The following NFRKB variants were observed in gnomAD, a reference collection of about 807,000 sequenced individuals.
NFRKB encodes the protein nuclear factor related to kappaB binding protein.
A neutral mutation model predicts 135.7 loss-of-function variants in NFRKB; 62 were observed. That is an observed-to-expected ratio of 0.46 (90% CI 0.37 to 0.56). The LOEUF is 0.56. NFRKB is among the 20% of genes least tolerant of loss of function. The pLI is 0.00. For synonymous variants in NFRKB, 678 were observed against 635.6 expected, an observed-to-expected ratio of 1.07 and a Z score of -1.00; for missense variants, 1,545 against 1,662.0, an observed-to-expected ratio of 0.93 and a Z score of 1.22.
At position 129,892,798 on chromosome 11, in the gene NFRKB, C is replaced by T. The variant is rs1316344104; in HGVS notation, c.52G>A (p.Gly18Arg). The change falls in exon 3 of 27, where the codon GGA (glycine) becomes AGA (arginine). Residue 18 changes from glycine to arginine, a missense_variant. This residue lies in a region of NFRKB where 678 missense variants were observed against 646.7 expected (regional missense o/e 1.05). Transcript: ENST00000682444. ...ATGATGCGCGTGCCATGGCCATCTC[C>T]ACACGGACCAAGTTCCAGAGGATCT... ...LTDPLELGPC[G>R]DGHGTRIMED... 6.2e-7 allele frequency: 1 copy of T among 1,614,206 alleles called. No individual in the cohort carries two copies. Among genetic ancestry groups the T allele is most frequent in the South Asian group, 1.1e-5 (1 of 91,088 alleles).
At position 129,865,947 on chromosome 11, in the gene NFRKB, C is replaced by G; in HGVS notation, c.3568G>C (p.Val1190Leu). Residue 1190 changes from valine (V) to leucine (L), a missense_variant, in exon 25 of 27, where the codon GTG (valine) becomes CTG (leucine). Val to Leu is a conservative substitution (Grantham distance 32, BLOSUM62 1). Around this residue, in one of 3 missense-constraint regions of NFRKB, gnomAD observed 753 missense variants for 804.3 expected, o/e 0.94. Transcript: ENST00000682444. ...LPTRITVPLS[V>L]ISQPMKGKSV... is the part of the protein sequence containing the mutation. ...TTGCCCTTCATTGGCTGGCTGATCACAGAGAGGGGAACTGTGATCCGTGTA... is the reference window on the plus strand; with the variant it reads ...TTGCCCTTCATTGGCTGGCTGATCAGAGAGAGGGGAACTGTGATCCGTGTA... 6.2e-7 allele frequency: 1 copy of G among 1,613,304 alleles called. No individual in the cohort carries two copies. Among genetic ancestry groups the G allele is most frequent in the Non-Finnish European group, 8.5e-7 (1 of 1,179,774 alleles).
At position 129,874,264 on chromosome 11, in the gene NFRKB, G is replaced by T. The variant is rs1035541760; in HGVS notation, c.2128C>A (p.Leu710Ile). ...SGPSEQSQMS[L>I]SDSSMPPTPV... ...GTGGGTGGCATACTGGAGTCACTGA[G>T]GCTCATCTGGCTCTGCTCAGAAGGG... Residue 710 changes from leucine to isoleucine, a missense_variant, in exon 21 of 27, where the codon CTC becomes ATC. Coordinates refer to ENST00000682444, the MANE Select transcript of NFRKB (RefSeq NM_001143835.2). The surrounding 1 kb of genome is among the most constrained non-coding windows in gnomAD (Gnocchi z 4.5). The T allele has an allele frequency of 1.3e-6, 2 of 1,516,736 alleles. No individual in the cohort carries two copies. Among genetic ancestry groups the T allele is most frequent in the Admixed American group, 4.5e-5 (2 of 44,044 alleles). 94.0% of individuals were successfully genotyped at this position (1,516,736 alleles called of 1,614,324 possible).
chr11:129,875,751 G>A (rs1369328736), intron 17 of NFRKB, among the ~76,000 whole-genome samples: 2 of 148,262 alleles, frequency 1.3e-5, no homozygotes, highest in East Asian at 4.0e-4. Context: ...CCACCTCCCA[G>A]GTTCAAGCAA....
Position 129,888,604 on chromosome 11 carries a change from C to A in NFRKB, c.327G>T (p.Lys109Asn). 1 of 1,614,204 alleles carries A rather than the reference C, an allele frequency of 6.2e-7. No individual in the cohort carries two copies. The highest frequency in any genetic ancestry group is 8.5e-7 in the Non-Finnish European group (1 of 1,180,026). The change falls in exon 4 of 27, where the codon AAG becomes AAT. Residue 109 changes from lysine to asparagine, a missense_variant. Transcript: ENST00000682444. The part of the protein sequence containing the change: ...RFGNPLHIAQ[K>N]LFRDGHFNPE... ...TACTGAGCTACAAACCTCGGAAAAG[C>A]TTCTGGGCAATGTGCAGAGGGTTTC...
intron 2 of NFRKB, chr11:129,893,389 CAAAAA>C (rs375172554): frequency 1.4e-3 from 158 of 115,756 alleles, no homozygotes; most frequent in Non-Finnish European, 1.8e-3. Flanking sequence ...CCCTTCTCTA[CAAAAA>C]AAAAAAAAAA....
chr11:129,882,330 C>G (rs1949068540), intron 10 of NFRKB, 121 bp downstream of exon 10: 1 of 1,365,702 alleles, frequency 7.3e-7, no homozygotes. Context: ...AGCAGTATCC[C>G]TGGGACTTCA....
chr11:129,864,664 G>C lies in NFRKB; in HGVS notation c.*61C>G, dbSNP rs575669601. 1.1e-5 allele frequency: 18 copies of C among 1,609,094 alleles called. No homozygotes were observed. In the African/African-American group the frequency reaches 2.0e-4, roughly 18 times the overall value. ...TTAAAACAATGATGCAACCTCCCTG[G>C]TCCCTTCTCAGCCAGGACAGACCAG... On this transcript the variant is annotated 3_prime_UTR_variant, in exon 27 of 27. Transcript: ENST00000682444.
At chr11:129,889,623 T>C (rs370347130) in intron 3 of NFRKB, among the ~76,000 whole-genome samples, 7 of 146,558 alleles carry the variant, frequency 4.8e-5, no homozygotes, top group South Asian at 2.1e-4. Flanking sequence ...TGGGGAACAA[T>C]TAAACATGCA....
chr11:129,880,186 C>A (rs948648124), intron 13 of NFRKB, among the ~76,000 whole-genome samples: 12 of 152,026 alleles, frequency 7.9e-5, no homozygotes, highest in Non-Finnish European at 1.5e-5. Context: ...AAGACTCTGT[C>A]TCAAAAAATA....
At chr11:129,876,493 G>A (rs1461205674) in intron 17 of NFRKB, among the ~76,000 whole-genome samples, 1 of 152,118 alleles carries the variant, frequency 6.6e-6, no homozygotes, top group African/African-American at 2.4e-5. Flanking sequence ...TAGCTGGTCT[G>A]GGAGCAACTC....
intron 23 of NFRKB, among the ~76,000 whole-genome samples, chr11:129,870,923 C>T (rs1948469052): frequency 6.6e-6 from 1 of 152,198 alleles, no homozygotes; most frequent in Non-Finnish European, 1.5e-5. Context: ...CCTCCCTCCA[C>T]CTACTCCACT....
Position 129,885,437 on chromosome 11 carries a change from T to C in NFRKB, c.638A>G (p.Glu213Gly), listed in dbSNP as rs1949228461. Residue 213 changes from glutamate (E) to glycine (G), a missense_variant and splice_region_variant, in exon 6 of 27, where the codon GAG becomes GGG. Physicochemically the swap from Glu to Gly is moderately conservative, Grantham distance 98 (BLOSUM62 -2). Transcript: ENST00000682444. ...CGDTALSSDE[E>G]DLSSWLPSSP... ...CCCAAGTGCCCGAGGACACTCACCC[T>C]CTTCATCAGATGACAGGGCTGTGTC... 6.2e-7 allele frequency: 1 copy of C among 1,606,708 alleles called. No homozygotes were observed. The highest frequency in any genetic ancestry group is 8.5e-7 in the Non-Finnish European group (1 of 1,174,190).
intron 13 of NFRKB, among the ~76,000 whole-genome samples, chr11:129,879,780 T>C (rs1036859765): frequency 1.3e-5 from 2 of 152,156 alleles, no homozygotes; most frequent in Non-Finnish European, 2.9e-5. Flanking sequence ...ATCTGTGCCC[T>C]GCACCACACA....
chr11:129,878,782 G>A (rs371976862), intron 13 of NFRKB, among the ~76,000 whole-genome samples: 2 of 152,314 alleles, frequency 1.3e-5, no homozygotes, highest in African/African-American at 2.4e-5. Flanking sequence ...ACTGTGCCAC[G>A]CACTGCATGT....
chr11:129,893,517 G>C (rs973877636), intron 2 of NFRKB: 14 of 159,824 alleles, frequency 8.8e-5, no homozygotes, highest in African/African-American at 2.7e-4. Context: ...CCGTGATCAC[G>C]CTACTGCACT....
At chr11:129,890,798 G>T (rs1407391806) in intron 3 of NFRKB, among the ~76,000 whole-genome samples, 1 of 152,126 alleles carries the variant, frequency 6.6e-6, no homozygotes, top group Non-Finnish European at 1.5e-5. Context: ...TCCCATCCCA[G>T]GGCACGTACC....
At chr11:129,887,675 C>T (rs1949342215) in intron 4 of NFRKB, among the ~76,000 whole-genome samples, 1 of 152,224 alleles carries the variant, frequency 6.6e-6, no homozygotes, top group African/African-American at 2.4e-5. Flanking sequence ...AAGCACAATG[C>T]ATGAACCCTG....
Position 129,876,812 on chromosome 11 carries a change from G to T in NFRKB, c.1656C>A (p.Gly552=), listed in dbSNP as rs2229650. ...TGAGCGAGGTCTCCTTGTCAAACAC[G>T]CCCTTCACTGGCCCCACCACAGACT... ...GFESVVGPVK[G]VFDKETSLNK... The change falls in exon 17 of 27, where the codon GGC becomes GGA. Residue 552 remains glycine (G), a synonymous_variant. Transcript: ENST00000682444. The T allele has an allele frequency of 0.19, 299,142 of 1,613,668 alleles. 30,218 individuals carry two copies. Among genetic ancestry groups the T allele is most frequent in the East Asian group, 0.36 (16,349 of 44,832 alleles).
intron 13 of NFRKB, among the ~76,000 whole-genome samples, chr11:129,879,382 T>C (rs1948922811): frequency 6.6e-6 from 1 of 152,106 alleles, no homozygotes. Context: ...ATGTGCTCCC[T>C]CCATGGCTAC....
Sources: gnomAD v4.1 joint callset for allele counts (sites outside exome capture counted in the v4.1 genomes callset) on GRCh38, gnomAD v4.1.1 for gene constraint, gnomAD v4.1.1 regional missense constraint, Gnocchi (gnomAD v3.1) non-coding constraint, MANE v1.5 for transcripts, NCBI Gene and HGNC (gene_info 2026-07-23, HGNC 2026-07-21) for gene names.